The following MEFV variants were observed in gnomAD, a reference collection of about 807,000 sequenced individuals.
MEFV encodes the protein pyrin.
A neutral mutation model predicts 62.5 loss-of-function variants in MEFV; 60 were observed. The observed-to-expected ratio is 0.96, with a 90% CI of 0.78 to 1.19. MEFV has a LOEUF of 1.19. Ranked by LOEUF, MEFV falls within the 50% of genes most tolerant of loss-of-function variation. The probability of loss-of-function intolerance (pLI) is 0.00; values close to 1 mark genes in which losing one functional copy is unlikely to be tolerated. For missense variants in MEFV, 1,169 were observed against 1,004.5 expected, an observed-to-expected ratio of 1.16 and a Z score of -2.21; for synonymous variants, 500 against 415.2, an observed-to-expected ratio of 1.20 and a Z score of -2.48.
At chr16:3,251,023 C>CAAAAAAAAAA (rs58529756) in intron 2 of MEFV, among the ~76,000 whole-genome samples, 1 of 49,374 alleles carries the variant, frequency 2.0e-5, no homozygotes, top group Non-Finnish European at 4.3e-5. Context: ...GACTCCATCT[C>CAAAAAAAAAA]AAAAAAAAAA....
chr16:3,255,908 C>T (rs916799194), intron 1 of MEFV, among the ~76,000 whole-genome samples: 1 of 151,924 alleles, frequency 6.6e-6, no homozygotes, highest in Non-Finnish European at 1.5e-5. Context: ...TCGAGACCAG[C>T]CTGGCCAACA....
At chr16:3,255,474 A>G (rs1596359266) in intron 1 of MEFV, among the ~76,000 whole-genome samples, 1 of 150,894 alleles carries the variant, frequency 6.6e-6, no homozygotes, top group Middle Eastern at 3.4e-3. Flanking sequence ...GCTCACTGCA[A>G]CCTCTGCCTC....
At chr16:3,255,363 T>C (rs560806622) in intron 1 of MEFV, among the ~76,000 whole-genome samples, 1 of 152,274 alleles carries the variant, frequency 6.6e-6, no homozygotes, top group East Asian at 1.9e-4. Flanking sequence ...GGCAGTCAAT[T>C]ACCATTCAGT....
At chr16:3,244,737 T>C in intron 6 of MEFV, 149 bp from the exon 7 acceptor site, 1 of 713,514 alleles carries the variant, frequency 1.4e-6, no homozygotes, top group Non-Finnish European at 2.5e-6. Flanking sequence ...TTCAGAGGTC[T>C]AAATGCTGGT....
chr16:3,256,410 A>G lies in MEFV; in HGVS notation c.178T>C (p.Tyr60His), dbSNP rs756753159. The G allele has an allele frequency of 6.2e-7, 1 of 1,614,180 alleles. No individual in the cohort carries two copies. Among genetic ancestry groups the G allele is most frequent in the African/African-American group, 1.3e-5 (1 of 75,056 alleles). Residue 60 changes from tyrosine to histidine, a missense_variant, in exon 1 of 10, where the codon TAC becomes CAC. Physicochemically the swap from Tyr to His is moderately conservative, Grantham distance 83. Transcript: ENST00000219596. ...TGCACGGCGTACTCTTCCCCATAGT[A>G]GGTGACCAGCAGAGTGGCCATCTTC... ...PVKMATLLVT[Y>H]YGEEYAVQLT...
chr16:3,247,347 T>C, intron 4 of MEFV, 101 bp from the exon 5 acceptor site: 1 of 977,294 alleles, frequency 1.0e-6, no homozygotes. Flanking sequence ...GGATAAGAGG[T>C]GGGCTTATGC....
intron 6 of MEFV, among the ~76,000 whole-genome samples, chr16:3,245,792 G>A (rs1034167072): frequency 6.6e-6 from 1 of 152,100 alleles, no homozygotes; most frequent in African/African-American, 2.4e-5. Flanking sequence ...TTAAACACAG[G>A]ATAACCACAT....
chr16:3,252,569 C>A (rs1040186133), intron 2 of MEFV, among the ~76,000 whole-genome samples: 1 of 151,854 alleles, frequency 6.6e-6, no homozygotes, highest in Non-Finnish European at 1.5e-5. Flanking sequence ...CCACCGCACC[C>A]GGCCTGGACC....
In MEFV at chr16:3,247,145, G is replaced by A. The variant is rs147767925; in HGVS notation, c.1458C>T (p.Asp486=). Residue 486 remains aspartate, a synonymous_variant, in exon 5 of 10, where the codon GAC becomes GAT. Transcript: ENST00000219596. ...QEHFFVASLE[D]VGQMVGQIRK... Reference sequence around the variant, plus strand: ...TGATCTGCCCAACCATCTGGCCCACGTCCTCCAGTGAGGCCACAAAGAAAT... The same window carrying A: ...TGATCTGCCCAACCATCTGGCCCACATCCTCCAGTGAGGCCACAAAGAAAT... 40 of 1,614,164 alleles carry A rather than the reference G, an allele frequency of 2.5e-5. No individual in the cohort carries two copies. In the African/African-American group the frequency reaches 2.7e-4, roughly 11 times the overall value.
chr16:3,245,335 G>C (rs937251926), intron 6 of MEFV, among the ~76,000 whole-genome samples: 4 of 151,732 alleles, frequency 2.6e-5, no homozygotes, highest in Non-Finnish European at 5.9e-5. Context: ...AAGGGAGGGA[G>C]GGAGGGAAGG....
In MEFV at chr16:3,254,092, G is replaced by C. The variant is rs185926437; in HGVS notation, c.910+66C>G. 3.8e-4 allele frequency: 594 copies of C among 1,553,272 alleles called. 4 individuals carry two copies. In the African/African-American group the frequency reaches 7.3e-3, roughly 19 times the overall value. On this transcript the variant is annotated intron_variant, in intron 2 of 9. Coordinates refer to ENST00000219596, the MANE Select transcript of MEFV (RefSeq NM_000243.3). The stretch of plus-strand genomic sequence containing the variant: ...CAAAGCGCTGGGATTACAGGCATGA[G>C]CTATCGTGCCCGGCCAGCCATTCTT...
intron 2 of MEFV, among the ~76,000 whole-genome samples, chr16:3,251,615 GTTA>G (rs1959033593): frequency 2.6e-5 from 4 of 152,134 alleles, no homozygotes; most frequent in African/African-American, 9.7e-5. Flanking sequence ...GCAGTAGATA[GTTA>G]GGACTTTAGC....
rs1214854554 is a variant in MEFV at position 3,256,478 on chromosome 16, T to A, written c.110A>T (p.His37Leu). The change falls in exon 1 of 10, where the codon CAC becomes CTC. Residue 37 changes from histidine to leucine, a missense_variant. His to Leu is a moderately conservative substitution (Grantham distance 99, BLOSUM62 -3). Transcript: ENST00000219596. ...GATCTGGCTCCGGGGGATCCTGGAG[T>A]GCTCCTTCTGCACACTGGTGTTCTG... Reference protein sequence around the residue: ...KLQNTSVQKEHSRIPRSQIQR... With the variant: ...KLQNTSVQKELSRIPRSQIQR... 6.2e-7 allele frequency: 1 copy of A among 1,614,036 alleles called. No homozygotes were observed. The highest frequency in any genetic ancestry group is 2.2e-5 in the East Asian group (1 of 44,874).
chr16:3,249,912 A>C (rs1020257305), intron 2 of MEFV, 132 bp from the exon 3 acceptor site: 3 of 769,538 alleles, frequency 3.9e-6, no homozygotes, highest in Non-Finnish European at 6.6e-6. Flanking sequence ...CCCACTTCCT[A>C]GCTTGTCCTC....
In MEFV at chr16:3,249,511, T is replaced by C. The variant is rs771974750; in HGVS notation, c.1180A>G (p.Ile394Val). ...LLFCEDHDEPICLICSLSQEH... is the reference protein window; with the variant it reads ...LLFCEDHDEPVCLICSLSQEH... ...TGACTCAGACTGCAGATGAGGCAGATGGGCTCATCGTGATCCTCACAGAAG... is the reference window on the plus strand; with the variant it reads ...TGACTCAGACTGCAGATGAGGCAGACGGGCTCATCGTGATCCTCACAGAAG... The change falls in exon 3 of 10, where the codon ATC becomes GTC. Residue 394 changes from isoleucine to valine, a missense_variant. By Grantham distance (29) the Ile-to-Val change is conservative. Coordinates refer to ENST00000219596, the MANE Select transcript of MEFV (RefSeq NM_000243.3). 6.2e-7 allele frequency: 1 copy of C among 1,614,204 alleles called. No individual in the cohort carries two copies. Among genetic ancestry groups the C allele is most frequent in the Non-Finnish European group, 8.5e-7 (1 of 1,180,036 alleles).
At position 3,248,962 on chromosome 16, in the gene MEFV, T is replaced by C; in HGVS notation, c.1303A>G (p.Lys435Glu). ...KQLEHLKKLR[K>E]SGEEQRSYGE... Reference sequence around the variant, plus strand: ...TAGGATCGCTGCTCCTCCCCTGATTTTCTCAGCTTCTTCAGATGCTCCAGC... The same window carrying C: ...TAGGATCGCTGCTCCTCCCCTGATTCTCTCAGCTTCTTCAGATGCTCCAGC... Residue 435 changes from lysine to glutamate, a missense_variant, in exon 4 of 10, where the codon AAA (lysine) becomes GAA (glutamate). Physicochemically the swap from Lys to Glu is moderately conservative, Grantham distance 56 (BLOSUM62 1). Coordinates refer to ENST00000219596, the MANE Select transcript of MEFV (RefSeq NM_000243.3). 1 of 1,614,216 alleles carries C rather than the reference T, an allele frequency of 6.2e-7. No homozygotes were observed. Among genetic ancestry groups the C allele is most frequent in the African/African-American group, 1.3e-5 (1 of 75,066 alleles).
chr16:3,255,266 G>A (rs1959100219), intron 1 of MEFV, among the ~76,000 whole-genome samples: 1 of 152,124 alleles, frequency 6.6e-6, no homozygotes, highest in Non-Finnish European at 1.5e-5. Flanking sequence ...GCAGTGAGCT[G>A]AGATCGGGCC....
At position 3,243,237 on chromosome 16, in the gene MEFV, C is replaced by T. The variant is rs1402790605; in HGVS notation, c.2250G>A (p.Gly750=). The change falls in exon 10 of 10, where the codon GGG becomes GGA. Residue 750 remains glycine, a synonymous_variant. Transcript: ENST00000219596. ...IYTFASCSFS[G]PLQPIFSPGT... is the part of the protein sequence containing the mutation. ...CAGGGCTGAAGATAGGTTGAAGGGG[C>T]CCAGAGAAAGAGCAGCTGGCGAATG... is the stretch of plus-strand genomic sequence containing the variant. The T allele has an allele frequency of 1.9e-6, 3 of 1,614,008 alleles. No individual in the cohort carries two copies. Among genetic ancestry groups the T allele is most frequent in the Non-Finnish European group, 2.5e-6 (3 of 1,180,046 alleles).
At chr16:3,251,223 G>A (rs1441662063) in intron 2 of MEFV, among the ~76,000 whole-genome samples, 1 of 151,884 alleles carries the variant, frequency 6.6e-6, no homozygotes, top group Non-Finnish European at 1.5e-5. Context: ...GCCTCCCATT[G>A]CCCCCCAAAT....
Sources: allele counts gnomAD v4.1 joint callset (sites outside exome capture counted in the v4.1 genomes callset), GRCh38; gene constraint gnomAD v4.1.1; transcripts MANE v1.5; gene names NCBI Gene and HGNC (gene_info 2026-07-23, HGNC 2026-07-21).